Variants in BPTF observed in about 807,000 individuals in gnomAD.
BPTF encodes nucleosome-remodeling factor subunit BPTF.
A neutral mutation model predicts 292.5 loss-of-function variants in BPTF; 18 were observed. The ratio of observed to expected loss-of-function variants is 0.06; its 90% CI spans 0.04 to 0.09. The LOEUF (loss-of-function observed/expected upper bound fraction) is 0.09, where lower values mean the gene tolerates loss of function less well. Among genes scored for constraint, BPTF ranks in the 10% least tolerant of loss-of-function variants. The pLI, the probability that BPTF is intolerant of heterozygous loss-of-function variation, is 1.00. For synonymous variants in BPTF, 1,225 were observed against 1,251.9 expected (o/e 0.98, Z 0.45); for missense variants, 2,726 against 3,498.7 (o/e 0.78, Z 5.57).
At position 67,894,036 on chromosome 17, in the gene BPTF, C is replaced by A; in HGVS notation, c.2414C>A (p.Ala805Glu). The stretch of plus-strand genomic sequence containing the variant: ...CTCTCATTTCTTCTGAAATACAGGG[C>A]AAATTGGATCAAGGCAGTTCAGATG... ...FLHPNWASHR[A>E]NWIKAVQMCS... Residue 805 changes from alanine to glutamate, a missense_variant and splice_region_variant, in exon 7 of 28, where the codon GCA becomes GAA. By Grantham distance (107) the Ala-to-Glu change is moderately radical. Transcript: ENST00000306378. 1 of 1,612,640 alleles carries A rather than the reference C, an allele frequency of 6.2e-7. No individual in the cohort carries two copies. The highest frequency in any genetic ancestry group is 8.5e-7 in the Non-Finnish European group (1 of 1,179,030).
chr17:67,856,236 C>G (rs1385084553), intron 2 of BPTF, among the ~76,000 whole-genome samples: 5 of 152,062 alleles, frequency 3.3e-5, no homozygotes, highest in Non-Finnish European at 5.9e-5. Context: ...GGTCGTCCAA[C>G]CCTGTTATCC....
At chr17:67,846,409 C>A (rs1005968426) in intron 1 of BPTF, among the ~76,000 whole-genome samples, 3 of 152,204 alleles carry the variant, frequency 2.0e-5, no homozygotes, top group Admixed American at 6.5e-5. Context: ...TAGACCAGGG[C>A]TGTCCAATAG....
intron 1 of BPTF, among the ~76,000 whole-genome samples, chr17:67,839,132 A>C (rs2057359293): frequency 6.6e-6 from 1 of 151,864 alleles, no homozygotes; most frequent in Admixed American, 6.6e-5. Flanking sequence ...TGGGTAATAA[A>C]AAAAAAAGAA....
At chr17:67,906,262 A>C (rs1204292138) in intron 9 of BPTF, among the ~76,000 whole-genome samples, 1 of 151,944 alleles carries the variant, frequency 6.6e-6, no homozygotes, top group Non-Finnish European at 1.5e-5. Flanking sequence ...TGTATTTTTT[A>C]TAGAGACAGG....
intron 2 of BPTF, among the ~76,000 whole-genome samples, chr17:67,860,009 C>T (rs539689391): frequency 6.6e-6 from 1 of 152,160 alleles, no homozygotes; most frequent in African/African-American, 2.4e-5. Flanking sequence ...CAGTAAAATA[C>T]TTATGTTTGT....
chr17:67,866,359 G>A (rs942922621), intron 2 of BPTF, 105 bp from the exon 3 acceptor site: 22 of 853,424 alleles, frequency 2.6e-5, no homozygotes, highest in Admixed American at 6.3e-5. Context: ...CCTATATTGA[G>A]TTTTAGTGCA....
intron 19 of BPTF, among the ~76,000 whole-genome samples, chr17:67,940,931 T>C (rs561626807): frequency 6.6e-6 from 1 of 152,266 alleles, no homozygotes; most frequent in African/African-American, 2.4e-5. Flanking sequence ...ACAAATAAAA[T>C]TTGAGTACAT....
intron 11 of BPTF, among the ~76,000 whole-genome samples, chr17:67,914,454 C>T (rs1327854286): frequency 6.6e-6 from 1 of 152,202 alleles, no homozygotes; most frequent in Non-Finnish European, 1.5e-5. Context: ...CAGAATCCTG[C>T]AGGGAATCAA....
chr17:67,867,953 G>A (rs1425477964), intron 3 of BPTF, among the ~76,000 whole-genome samples: 2 of 152,144 alleles, frequency 1.3e-5, no homozygotes, highest in Non-Finnish European at 2.9e-5. Flanking sequence ...CGGGTGAGGA[G>A]TTATGTTCTA....
rs1237522226 is a variant in BPTF at position 67,907,645 on chromosome 17, T to G, written c.2813-1937T>G. On this transcript the variant is annotated intron_variant, in intron 9 of 27. Coordinates refer to ENST00000306378, the MANE Select transcript of BPTF (RefSeq NM_182641.4). ...TGCTGGGATTACAGGTGTGAGTCAC[T>G]GCTCCCAGCCAAATTTTATCACTCT... Among the ~76,000 whole-genome samples the G allele has an allele frequency of 2.0e-5, 3 of 152,104 alleles. No homozygotes were observed. In the East Asian group the frequency reaches 5.8e-4, roughly 29 times the overall value.
At chr17:67,967,638 T>C (rs1484521597) in intron 26 of BPTF, among the ~76,000 whole-genome samples, 2 of 151,864 alleles carry the variant, frequency 1.3e-5, no homozygotes, top group African/African-American at 2.4e-5. Context: ...CTGGCCAACA[T>C]GGCGAAATAC....
intron 7 of BPTF, among the ~76,000 whole-genome samples, chr17:67,901,304 TAAA>T (rs68104231): frequency 7.1e-6 from 1 of 141,162 alleles, no homozygotes; most frequent in Non-Finnish European, 1.6e-5. Flanking sequence ...GAAGAATTGT[TAAA>T]AAAAAAAAAA....
Position 67,911,310 on chromosome 17 carries a change from A to G in BPTF, c.3426A>G (p.Glu1142=), listed in dbSNP as rs2062637076. Residue 1142 remains glutamate, a synonymous_variant, in exon 11 of 28, where the codon GAA becomes GAG. Coordinates refer to ENST00000306378, the MANE Select transcript of BPTF (RefSeq NM_182641.4). Reference sequence around the variant, plus strand: ...AGGACTTGATTCAGGGATGTTCAGAAAGTGATTCCTCAGTTCTTAGAATGA... The same window carrying G: ...AGGACTTGATTCAGGGATGTTCAGAGAGTGATTCCTCAGTTCTTAGAATGA... ...QPEDLIQGCS[E]SDSSVLRMSD... is the part of the protein sequence containing the mutation. 6.2e-7 allele frequency: 1 copy of G among 1,614,148 alleles called. No individual in the cohort carries two copies. The highest frequency in any genetic ancestry group is 1.6e-4 in the Middle Eastern group (1 of 6,062).
At position 67,940,649 on chromosome 17, in the gene BPTF, A is replaced by G; in HGVS notation, c.6470A>G (p.Gln2157Arg). ...LTMAQLTQLT[Q>R]GHGGNQGLTV... ...ATGGCTCAACTTACTCAGTTAACAC[A>G]GGGCCACGTAAGTAACATAAGCTTT... The change falls in exon 19 of 28, where the codon CAG becomes CGG. Residue 2157 changes from glutamine to arginine, a missense_variant. By Grantham distance (43) the Gln-to-Arg change is conservative (BLOSUM62 1). Coordinates refer to ENST00000306378, the MANE Select transcript of BPTF (RefSeq NM_182641.4). 1 of 1,612,820 alleles carries G rather than the reference A, an allele frequency of 6.2e-7. No homozygotes were observed. The highest frequency in any genetic ancestry group is 8.5e-7 in the Non-Finnish European group (1 of 1,178,770).
At chr17:67,908,939 A>G (rs144496749) in intron 9 of BPTF, among the ~76,000 whole-genome samples, 6,691 of 148,702 alleles carry the variant, frequency 0.045, 352 homozygotes, top group East Asian at 0.21. Context: ...GGTTCAAGCA[A>G]TTCTCCTGCC....
intron 1 of BPTF, among the ~76,000 whole-genome samples, chr17:67,842,360 C>G (rs1327420383): frequency 2.0e-5 from 3 of 152,190 alleles, no homozygotes; most frequent in African/African-American, 7.2e-5. Context: ...ACTCCTCCTT[C>G]AGACATCCCT....
In BPTF at chr17:67,940,522, A is replaced by G. The variant is rs1555671424; in HGVS notation, c.6343A>G (p.Thr2115Ala). Residue 2115 changes from threonine to alanine, a missense_variant, in exon 19 of 28, where the codon ACA becomes GCA. Thr to Ala is a moderately conservative substitution (Grantham distance 58, BLOSUM62 0). Coordinates refer to ENST00000306378, the MANE Select transcript of BPTF (RefSeq NM_182641.4). ...CTCCGCCCCTAACACGGTTTCCTCA[A>G]CACCTGGGCAGAAAAGCTTAACTTC... ...AVSAPNTVSS[T>A]PGQKSLTSAT... 5 of 1,614,074 alleles carry G rather than the reference A, an allele frequency of 3.1e-6. No individual in the cohort carries two copies. The highest frequency in any genetic ancestry group is 4.2e-6 in the Non-Finnish European group (5 of 1,180,008).
At position 67,947,833 on chromosome 17, in the gene BPTF, G is replaced by A. The variant is rs375997569; in HGVS notation, c.7700+25G>A. On this transcript the variant is annotated intron_variant, in intron 22 of 27. Coordinates refer to ENST00000306378, the MANE Select transcript of BPTF (RefSeq NM_182641.4). ...GGTAGGGGAGACGCAGGGTCTTGTT[G>A]TCTGTCCGTCTCTTCTCTTTATCGT... 20 of 1,541,590 alleles carry A rather than the reference G, an allele frequency of 1.3e-5. No individual in the cohort carries two copies. The African/African-American group carries it at 1.4e-4, about 11-fold the overall frequency.
intron 7 of BPTF, among the ~76,000 whole-genome samples, chr17:67,897,341 CAAAAAAAAAAAAAAAAAAA>C (rs750678904): frequency 5.6e-5 from 1 of 17,766 alleles, no homozygotes; most frequent in African/African-American, 1.0e-4. Context: ...AACTCTGTCT[CAAAAAAAAAAAAAAAAAAA>C]AAAAAAAAAA....
Sources: allele counts gnomAD v4.1 joint callset (sites outside exome capture counted in the v4.1 genomes callset), GRCh38; gene constraint gnomAD v4.1.1; transcripts MANE v1.5; gene names NCBI Gene and HGNC (gene_info 2026-07-23, HGNC 2026-07-21).